Variants in ROR2 observed in about 807,000 individuals in gnomAD.
The protein encoded by ROR2 is ROR family WNT receptor 2.
Under a neutral mutation model 74.9 loss-of-function variants are expected in ROR2, and 33 were observed. That is an observed-to-expected ratio of 0.44 (90% CI 0.33 to 0.59). The LOEUF (loss-of-function observed/expected upper bound fraction) is 0.59. Ranked by LOEUF, ROR2 falls within the 20% of genes least tolerant of loss-of-function variation. The pLI, the probability that ROR2 is intolerant of heterozygous loss-of-function variation, is 0.02. For synonymous variants in ROR2, 586 were observed against 558.7 expected, an observed-to-expected ratio of 1.05 and a Z score of -0.69; for missense variants, 1,216 against 1,313.8, an observed-to-expected ratio of 0.93 and a Z score of 1.15.
At chr9:91,883,689 T>A (rs1534533) in intron 1 of ROR2, among the ~76,000 whole-genome samples, 71,338 of 151,944 alleles carry the variant, frequency 0.47, 19,565 homozygotes, top group African/African-American at 0.75. Context: ...GGAATGAGAC[T>A]CCTACGCACC....
intron 1 of ROR2, among the ~76,000 whole-genome samples, chr9:91,887,788 C>CTTTTTTT (rs771557997): frequency 2.3e-4 from 23 of 100,666 alleles, no homozygotes; most frequent in African/African-American, 4.9e-4. Flanking sequence ...CTTTTTTTCT[C>CTTTTTTT]TTTTTTTTTT....
At chr9:91,856,875 A>G (rs1829307976) in intron 1 of ROR2, among the ~76,000 whole-genome samples, 1 of 152,188 alleles carries the variant, frequency 6.6e-6, no homozygotes, top group African/African-American at 2.4e-5. Context: ...TCCCCACAAC[A>G]GTCCCATGCC....
intron 1 of ROR2, among the ~76,000 whole-genome samples, chr9:91,839,082 G>A (rs139631630): frequency 2.0e-5 from 3 of 152,312 alleles, no homozygotes; most frequent in East Asian, 1.9e-4. Context: ...CACTGGCTAC[G>A]CGCAGGCACA....
intron 1 of ROR2, among the ~76,000 whole-genome samples, chr9:91,886,456 G>T (rs966524477): frequency 2.0e-5 from 3 of 152,012 alleles, no homozygotes; most frequent in African/African-American, 7.3e-5. Flanking sequence ...ACCGCGATCT[G>T]TCTACACCAG....
rs138373796 is a variant in ROR2, at chr9:91,738,071, T to G, written c.495-553A>C. The stretch of plus-strand genomic sequence containing the variant: ...TGAAATATTCTGTATGATACTGTAA[T>G]GGTGAGCACACGTCACTATACATTG... On this transcript the variant is annotated intron_variant, in intron 4 of 8. Transcript: ENST00000375708. Among the ~76,000 whole-genome samples the G allele has an allele frequency of 2.9e-3, 443 of 152,314 alleles. 4 individuals are homozygous for G. The highest frequency in any genetic ancestry group is 0.01 in the African/African-American group (426 of 41,556).
At chr9:91,735,560 C>T (rs1444724360) in intron 5 of ROR2, among the ~76,000 whole-genome samples, 2 of 145,024 alleles carry the variant, frequency 1.4e-5, no homozygotes, top group Non-Finnish European at 3.0e-5. Context: ...ATGGTAAGAA[C>T]AGACTAGAGG....
chr9:91,760,283 T>C (rs977452277), intron 2 of ROR2, among the ~76,000 whole-genome samples: 4 of 152,232 alleles, frequency 2.6e-5, no homozygotes, highest in African/African-American at 9.6e-5. Context: ...GGCTTGTTGC[T>C]GTGGCAACAT....
At position 91,733,139 on chromosome 9, in the gene ROR2, G is replaced by T; in HGVS notation, c.920C>A (p.Ala307Asp). The change falls in exon 6 of 9, where the codon GCC (alanine) becomes GAC (aspartate). Residue 307 changes from alanine (A) to aspartate (D), a missense_variant. Ala to Asp is a moderately radical substitution (Grantham distance 126, BLOSUM62 -2). Coordinates refer to ENST00000375708, the MANE Select transcript of ROR2 (RefSeq NM_004560.4). The surrounding 1 kb of genome is among the most constrained non-coding windows in gnomAD (Gnocchi z 5.7). ...AANCMRIGIPAERLGRYHQCY... is the reference protein window; with the variant it reads ...AANCMRIGIPDERLGRYHQCY... ...GCACTCACAGCGGCCCAGCCTCTCG[G>T]CTGGGATGCCAATGCGCATGCAGTT... 2 of 1,597,780 alleles carry T rather than the reference G, an allele frequency of 1.3e-6. No individual in the cohort carries two copies. Among genetic ancestry groups the T allele is most frequent in the Non-Finnish European group, 1.7e-6 (2 of 1,174,172 alleles).
At chr9:91,915,111 A>C (rs1446471083) in intron 1 of ROR2, among the ~76,000 whole-genome samples, 4 of 152,072 alleles carry the variant, frequency 2.6e-5, no homozygotes, top group Non-Finnish European at 4.4e-5. Flanking sequence ...CCTGGCGTTT[A>C]TGGTTGCTGA....
In ROR2 at chr9:91,817,594, A is replaced by T. The variant is rs548467241; in HGVS notation, c.98-41776T>A. Among the ~76,000 whole-genome samples, 4 of 152,076 alleles carry T rather than the reference A, an allele frequency of 2.6e-5. No homozygotes were observed. The East Asian group carries it at 7.7e-4, about 29-fold the overall frequency. On this transcript the variant is annotated intron_variant, in intron 1 of 8. Transcript: ENST00000375708. ...TCTCTCAAGCTGTACTGGGCCAGGC[A>T]CTGATGCTCAGGATCATCCTACCCG...
At chr9:91,879,196 A>G (rs1295342941) in intron 1 of ROR2, among the ~76,000 whole-genome samples, 1 of 152,172 alleles carries the variant, frequency 6.6e-6, no homozygotes, top group East Asian at 1.9e-4. Flanking sequence ...ATTTCCAGGA[A>G]GGGAGATGAG....
At chr9:91,932,463 G>T (rs909911017) in intron 1 of ROR2, among the ~76,000 whole-genome samples, 2 of 151,830 alleles carry the variant, frequency 1.3e-5, no homozygotes, top group African/African-American at 2.4e-5. Flanking sequence ...TCATGACCAG[G>T]CTGGCCAACA....
chr9:91,775,790 G>A lies in ROR2; in HGVS notation c.126C>T (p.Asp42=). ...SGEVEVLDPN[D]PLGPLDGQDG... is the part of the protein sequence containing the mutation. The stretch of plus-strand genomic sequence containing the variant: ...CCTGCCCATCAAGGGGTCCTAAAGG[G>A]TCGTTCGGATCCAGAACCTCCACTT... The change falls in exon 2 of 9, where the codon GAC becomes GAT. Residue 42 remains aspartate (D), a synonymous_variant. Coordinates refer to ENST00000375708, the MANE Select transcript of ROR2 (RefSeq NM_004560.4). The A allele has an allele frequency of 6.2e-7, 1 of 1,614,198 alleles. No homozygotes were observed. The highest frequency in any genetic ancestry group is 1.1e-5 in the South Asian group (1 of 91,084).
At chr9:91,916,540 C>T (rs1831140998) in intron 1 of ROR2, among the ~76,000 whole-genome samples, 1 of 152,184 alleles carries the variant, frequency 6.6e-6, no homozygotes, top group South Asian at 2.1e-4. Flanking sequence ...TTCAAAGATC[C>T]TCCTCAAATT....
At chr9:91,758,034 T>A (rs900543881) in intron 2 of ROR2, among the ~76,000 whole-genome samples, 2 of 152,106 alleles carry the variant, frequency 1.3e-5, no homozygotes, top group Non-Finnish European at 2.9e-5. Context: ...GGGGCCATCA[T>A]AAACAATAAA....
intron 1 of ROR2, among the ~76,000 whole-genome samples, chr9:91,835,348 A>G (rs1828579297): frequency 6.6e-6 from 1 of 152,210 alleles, no homozygotes; most frequent in Non-Finnish European, 1.5e-5. Flanking sequence ...GGAGACATGT[A>G]CAATTTCACC....
chr9:91,948,706 T>G (rs1475095555), intron 1 of ROR2: 1 of 985,386 alleles, frequency 1.0e-6, no homozygotes, highest in African/African-American at 1.7e-5. Context: ...ACTGTCCCGA[T>G]TCTCACCTTC....
chr9:91,743,345 G>A lies in ROR2; in HGVS notation c.495-5827C>T, dbSNP rs544838298. ...CCAGCATTTTGGGAGGCCGAGGCAG[G>A]TGAATCACTTGAGGTCAGGAGTTCA... On this transcript the variant is annotated intron_variant, in intron 4 of 8. Coordinates refer to ENST00000375708, the MANE Select transcript of ROR2 (RefSeq NM_004560.4). Among the ~76,000 whole-genome samples, 4 of 152,310 alleles carry A rather than the reference G, an allele frequency of 2.6e-5. No homozygotes were observed. In the South Asian group the frequency reaches 8.3e-4, roughly 32 times the overall value.
At chr9:91,948,767 G>A in intron 1 of ROR2, 1 of 985,480 alleles carries the variant, frequency 1.0e-6, no homozygotes, top group Non-Finnish European at 1.2e-6. Flanking sequence ...CTAGTAAGAA[G>A]TGTCTCACAC....
Sources: gnomAD v4.1 joint callset for allele counts (sites outside exome capture counted in the v4.1 genomes callset) on GRCh38, gnomAD v4.1.1 for gene constraint, Gnocchi (gnomAD v3.1) non-coding constraint, MANE v1.5 for transcripts, NCBI Gene and HGNC (gene_info 2026-07-23, HGNC 2026-07-21) for gene names.